Variants in DYNC2H1 observed in about 807,000 individuals in gnomAD.
The protein encoded by DYNC2H1 is dynein cytoplasmic 2 heavy chain 1.
A neutral mutation model predicts 570.0 loss-of-function variants in DYNC2H1; 410 were observed. That is an observed-to-expected ratio of 0.72 (90% CI 0.66 to 0.78). The LOEUF is 0.78. Ranked by LOEUF, DYNC2H1 falls within the 30% of genes least tolerant of loss-of-function variation. DYNC2H1 has a pLI of 0.00. For missense variants in DYNC2H1, 4,865 were observed against 5,046.4 expected (o/e 0.96, Z 1.09); for synonymous variants, 1,688 against 1,677.6 (o/e 1.01, Z -0.15).
chr11:103,178,900 A>C (rs1861735736), intron 38 of DYNC2H1, 126 bp from the exon 39 acceptor site: 7 of 904,996 alleles, frequency 7.7e-6, no homozygotes, highest in Non-Finnish European at 9.7e-6. Flanking sequence ...AGGATTGCGC[A>C]TGGGTTCTTC....
intron 59 of DYNC2H1, among the ~76,000 whole-genome samples, chr11:103,223,472 C>A (rs937826557): frequency 6.6e-6 from 1 of 151,816 alleles, no homozygotes; most frequent in African/African-American, 2.4e-5. Context: ...ACCAAAACCT[C>A]CACCTCCCAG....
chr11:103,127,243 A>C lies in DYNC2H1; in HGVS notation c.1858-1667A>C, dbSNP rs570214385. Among the ~76,000 whole-genome samples the C allele has an allele frequency of 1.6e-4, 25 of 152,310 alleles. No individual in the cohort carries two copies. In the South Asian group the frequency reaches 4.8e-3, roughly 29 times the overall value. ...TATGGTAAGTATTTAGTCTGACACA[A>C]TAGGAGCTCAAAAAATGAATGGTCA... On this transcript the variant is annotated intron_variant, in intron 12 of 88. Coordinates refer to ENST00000375735, the MANE Select transcript of DYNC2H1 (RefSeq NM_001377.3).
At chr11:103,111,026 A>C (rs992406993) in intron 1 of DYNC2H1, among the ~76,000 whole-genome samples, 2 of 152,094 alleles carry the variant, frequency 1.3e-5, no homozygotes, top group African/African-American at 2.4e-5. Context: ...GGGTTTCACC[A>C]TGTTGGTCAG....
rs1393961867 is a variant in DYNC2H1 at position 103,166,029 on chromosome 11, T to G, written c.4743T>G (p.Ser1581=). The change falls in exon 31 of 89, where the codon TCT becomes TCG. Residue 1581 remains serine (S), a synonymous_variant. Transcript: ENST00000375735. ...AATATACTAACATTGATACAAGTTCTGAGGATCCAGGGAATACTGGTATGG... is the reference window on the plus strand; with the variant it reads ...AATATACTAACATTGATACAAGTTCGGAGGATCCAGGGAATACTGGTATGG... ...LEQYTNIDTS[S]EDPGNTESGI... 1.3e-6 allele frequency: 2 copies of G among 1,530,888 alleles called. No homozygotes were observed. Among genetic ancestry groups the G allele is most frequent in the East Asian group, 5.0e-5 (2 of 40,054 alleles). The allele number at this position is 1,530,888 out of a possible 1,614,324, so 94.8% of individuals were successfully genotyped here.
chr11:103,375,019 GT>G (rs1290091755), intron 83 of DYNC2H1, among the ~76,000 whole-genome samples: 2 of 152,200 alleles, frequency 1.3e-5, no homozygotes, highest in Non-Finnish European at 2.9e-5. Flanking sequence ...GAGAAAAATG[GT>G]TTCTTGGGCC....
intron 83 of DYNC2H1, among the ~76,000 whole-genome samples, chr11:103,361,187 T>A (rs1940616572): frequency 6.6e-6 from 1 of 152,222 alleles, no homozygotes; most frequent in East Asian, 1.9e-4. Context: ...CTCAAAGTGA[T>A]GGTATTTGTA....
chr11:103,476,387 A>C (rs1945547506), intron 88 of DYNC2H1, among the ~76,000 whole-genome samples: 1 of 152,090 alleles, frequency 6.6e-6, no homozygotes, highest in Non-Finnish European at 1.5e-5. Context: ...TAGATATTTG[A>C]TATGTGTGTA....
intron 84 of DYNC2H1, among the ~76,000 whole-genome samples, chr11:103,425,070 G>T (rs928725639): frequency 1.8e-4 from 28 of 152,138 alleles, no homozygotes; most frequent in African/African-American, 6.7e-4. Context: ...TGAGTAGCTA[G>T]GAGTATAGGC....
intron 83 of DYNC2H1, among the ~76,000 whole-genome samples, chr11:103,387,281 T>G (rs192775465): frequency 0.012 from 1,833 of 152,384 alleles, 33 homozygotes; most frequent in African/African-American, 0.041. Flanking sequence ...ATGTGTCTTT[T>G]GGCTGCATAG....
At chr11:103,469,863 T>C (rs1016422048) in intron 88 of DYNC2H1, among the ~76,000 whole-genome samples, 5 of 152,198 alleles carry the variant, frequency 3.3e-5, no homozygotes, top group Non-Finnish European at 7.3e-5. Context: ...AATTGAAACT[T>C]ATATACAAAA....
intron 46 of DYNC2H1, 43 bp downstream of exon 46, chr11:103,191,662 GCACATTTATTCTCTAGAT>G (rs778842693): frequency 1.6e-6 from 2 of 1,228,558 alleles, no homozygotes; most frequent in Non-Finnish European, 2.3e-6. Context: ...GTGTGTGTGT[GCACATTTATTCTCTAGAT>G]TGTATTTGTA....
Position 103,188,608 on chromosome 11 carries a change from A to T in DYNC2H1, c.7252A>T (p.Thr2418Ser), listed in dbSNP as rs1213814091. 2 of 1,609,762 alleles carry T rather than the reference A, an allele frequency of 1.2e-6. No homozygotes were observed. The highest frequency in any genetic ancestry group is 1.7e-6 in the Non-Finnish European group (2 of 1,177,540). ...AGGAAGACTGGGAAGACATAAACTT[A>T]CTACCAGATTTACTTCCATCGTTCG... Reference protein sequence around the residue: ...AGGRLGRHKLTTRFTSIVRLC... With the variant: ...AGGRLGRHKLSTRFTSIVRLC... Residue 2418 changes from threonine (T) to serine (S), a missense_variant, in exon 44 of 89, where the codon ACT (threonine) becomes TCT (serine). Thr to Ser is a moderately conservative substitution (Grantham distance 58). Around this residue, in one of 5 missense-constraint regions of DYNC2H1, gnomAD observed 2,401 missense variants for 2,454.6 expected, o/e 0.98. Coordinates refer to ENST00000375735, the MANE Select transcript of DYNC2H1 (RefSeq NM_001377.3).
At chr11:103,137,263 G>A (rs2134790169) in intron 17 of DYNC2H1, among the ~76,000 whole-genome samples, 1 of 147,056 alleles carries the variant, frequency 6.8e-6, no homozygotes, top group South Asian at 2.2e-4. Context: ...GGCTTTTGTT[G>A]CCATTGCTTT....
intron 87 of DYNC2H1, among the ~76,000 whole-genome samples, chr11:103,467,373 T>G (rs559653170): frequency 2.3e-4 from 35 of 152,306 alleles, no homozygotes; most frequent in Non-Finnish European, 4.3e-4. Context: ...AACAATTGGT[T>G]AAGGGATTCT....
chr11:103,191,070 C>A (rs1232258882), intron 45 of DYNC2H1, among the ~76,000 whole-genome samples: 1 of 132,160 alleles, frequency 7.6e-6, no homozygotes, highest in African/African-American at 2.9e-5. Context: ...GATGGAGTCT[C>A]GCTTTGTCGC....
At chr11:103,337,966 T>C (rs1939236260) in intron 82 of DYNC2H1, among the ~76,000 whole-genome samples, 1 of 152,244 alleles carries the variant, frequency 6.6e-6, no homozygotes, top group Non-Finnish European at 1.5e-5. Context: ...ATTAGTGTCC[T>C]GAAGCATTTC....
rs1938439341 is a variant in DYNC2H1 at position 103,325,822 on chromosome 11, A to G, written c.12039+1832A>G. Reference sequence around the variant, plus strand: ...TTTGCCACATTCTGCATTCTACGTCATTTCAGACATTTCAGTCTCATTAGG... The same window carrying G: ...TTTGCCACATTCTGCATTCTACGTCGTTTCAGACATTTCAGTCTCATTAGG... On this transcript the variant is annotated intron_variant, in intron 82 of 88. Transcript: ENST00000375735. The surrounding 1 kb of genome is among the most constrained non-coding windows in gnomAD (Gnocchi z 4.8). Among the ~76,000 whole-genome samples the G allele has an allele frequency of 2.0e-5, 3 of 152,010 alleles. 1 individual carries two copies. The highest frequency in any genetic ancestry group is 1.3e-4 in the Admixed American group (2 of 15,264).
intron 80 of DYNC2H1, among the ~76,000 whole-genome samples, chr11:103,320,522 A>G (rs1305095311): frequency 1.3e-5 from 2 of 152,224 alleles, no homozygotes; most frequent in African/African-American, 4.8e-5. Context: ...GAAGAGTGTA[A>G]TGTGTGAAGG....
At chr11:103,435,727 A>C (rs667202) in intron 84 of DYNC2H1, among the ~76,000 whole-genome samples, 1 of 151,838 alleles carries the variant, frequency 6.6e-6, no homozygotes, top group Non-Finnish European at 1.5e-5. Flanking sequence ...GTTTAAGTTC[A>C]TCTTGTTATT....
Sources: allele counts gnomAD v4.1 joint callset (sites outside exome capture counted in the v4.1 genomes callset), GRCh38; gene constraint gnomAD v4.1.1; regional missense constraint gnomAD v4.1.1; non-coding constraint Gnocchi (gnomAD v3.1); transcripts MANE v1.5; gene names NCBI Gene and HGNC (gene_info 2026-07-23, HGNC 2026-07-21).